Variants in LRMDA observed in about 807,000 individuals in gnomAD.
LRMDA encodes leucine rich melanocyte differentiation associated.
A neutral mutation model predicts 29.8 loss-of-function variants in LRMDA; 18 were observed. The observed-to-expected ratio is 0.60, with a 90% CI of 0.42 to 0.90. The LOEUF (loss-of-function observed/expected upper bound fraction) is 0.90. Ranked by LOEUF, LRMDA falls within the 40% of genes least tolerant of loss-of-function variation. LRMDA has a pLI of 0.00. For synonymous variants in LRMDA, 125 were observed against 109.4 expected, an observed-to-expected ratio of 1.14 and a Z score of -0.89; for missense variants, 273 against 273.9, an observed-to-expected ratio of 1.00 and a Z score of 0.02.
chr10:76,371,695 T>C (rs182218147), intron 6 of LRMDA, among the ~76,000 whole-genome samples: 9 of 152,282 alleles, frequency 5.9e-5, no homozygotes, highest in African/African-American at 2.2e-4. Context: ...AACTTCTTTC[T>C]CCTTTATTCT....
At chr10:75,491,190 A>G (rs1450472441) in intron 2 of LRMDA, among the ~76,000 whole-genome samples, 1 of 152,196 alleles carries the variant, frequency 6.6e-6, no homozygotes, top group African/African-American at 2.4e-5. Flanking sequence ...GCTTCGTGTC[A>G]TTATTGCATT....
intron 6 of LRMDA, among the ~76,000 whole-genome samples, chr10:76,390,636 C>A (rs938331355): frequency 1.3e-5 from 2 of 152,156 alleles, no homozygotes; most frequent in Non-Finnish European, 2.9e-5. Flanking sequence ...AGTGCCCCTT[C>A]ATTGCCCCTC....
intron 5 of LRMDA, among the ~76,000 whole-genome samples, chr10:76,059,036 C>T (rs570680406): frequency 7.2e-5 from 11 of 152,212 alleles, no homozygotes; most frequent in Admixed American, 3.3e-4. Context: ...AGGTCTCCTT[C>T]TTGGAAATAT....
chr10:75,683,075 C>T (rs1035611407), intron 2 of LRMDA, among the ~76,000 whole-genome samples: 1 of 152,190 alleles, frequency 6.6e-6, no homozygotes, highest in Admixed American at 6.5e-5. Context: ...CATTTCCTCT[C>T]CTGGAGTGCT....
intron 6 of LRMDA, among the ~76,000 whole-genome samples, chr10:76,446,257 T>C (rs182855173): frequency 1.3e-5 from 2 of 152,328 alleles, no homozygotes; most frequent in African/African-American, 4.8e-5. Context: ...TCATATAAAT[T>C]TGATGCAGCT....
intron 2 of LRMDA, chr10:75,552,425 T>TCCC (rs56910833): frequency 2.1e-5 from 5 of 242,032 alleles, no homozygotes; most frequent in Middle Eastern, 4.8e-4. Context: ...TTTTTTTTTT[T>TCCC]CCCCCCCCTC....
At chr10:76,429,472 G>A (rs141121499) in intron 6 of LRMDA, among the ~76,000 whole-genome samples, 12 of 152,258 alleles carry the variant, frequency 7.9e-5, no homozygotes, top group South Asian at 4.1e-4. Context: ...GTGATTGGAC[G>A]TGGAGAGCAG....
chr10:76,022,283 A>G (rs1308287747), intron 2 of LRMDA, among the ~76,000 whole-genome samples: 1 of 152,082 alleles, frequency 6.6e-6, no homozygotes, highest in Non-Finnish European at 1.5e-5. Context: ...TAGTCAAAAG[A>G]TGGAGCCAGT....
At chr10:76,338,397 T>TAATA (rs1554868843) in intron 6 of LRMDA, among the ~76,000 whole-genome samples, 3 of 149,760 alleles carry the variant, frequency 2.0e-5, no homozygotes, top group African/African-American at 4.9e-5. Flanking sequence ...AATAAATAAA[T>TAATA]AATAAATAAA....
intron 2 of LRMDA, among the ~76,000 whole-genome samples, chr10:75,822,423 C>T (rs967667645): frequency 3.3e-5 from 5 of 152,078 alleles, no homozygotes; most frequent in South Asian, 2.1e-4. Flanking sequence ...CAATTCCTGT[C>T]GAACTACCAA....
At chr10:76,323,252 G>A (rs1840793480) in intron 5 of LRMDA, among the ~76,000 whole-genome samples, 1 of 152,050 alleles carries the variant, frequency 6.6e-6, no homozygotes, top group Admixed American at 6.6e-5. Context: ...CGTCTCAAAT[G>A]TCAGAAATGA....
intron 5 of LRMDA, among the ~76,000 whole-genome samples, chr10:76,092,745 A>T (rs1293161826): frequency 6.6e-6 from 1 of 152,186 alleles, no homozygotes; most frequent in Non-Finnish European, 1.5e-5. Flanking sequence ...TGGAATAGGA[A>T]ATGTGGATGG....
At chr10:75,717,392 G>A (rs1213164832) in intron 2 of LRMDA, among the ~76,000 whole-genome samples, 1 of 152,228 alleles carries the variant, frequency 6.6e-6, no homozygotes, top group Non-Finnish European at 1.5e-5. Flanking sequence ...AGGCTTCCTG[G>A]GGAATCGTGG....
chr10:75,582,589 G>A (rs1378220936), intron 2 of LRMDA, among the ~76,000 whole-genome samples: 1 of 152,176 alleles, frequency 6.6e-6, no homozygotes, highest in Non-Finnish European at 1.5e-5. Flanking sequence ...GGACTGTGAT[G>A]GAAGGGGCTG....
intron 6 of LRMDA, among the ~76,000 whole-genome samples, chr10:76,372,631 A>AAAAAT (rs1182148523): frequency 2.0e-5 from 3 of 151,990 alleles, no homozygotes; most frequent in Non-Finnish European, 4.4e-5. Flanking sequence ...AAATAAAATA[A>AAAAAT]AAAATAAAAT....
chr10:75,771,211 G>A (rs1172356275), intron 2 of LRMDA, among the ~76,000 whole-genome samples: 1 of 151,812 alleles, frequency 6.6e-6, no homozygotes, highest in African/African-American at 2.4e-5. Flanking sequence ...AATGGCTATT[G>A]ACAGCAGATA....
rs34848972 is a variant in LRMDA at position 76,173,058 on chromosome 10, T to TAA, written c.516+114283_516+114284dup. 1.7e-3 allele frequency among the ~76,000 whole-genome samples: 261 copies of TAA among 150,230 alleles called. 2 individuals carry two copies. Among genetic ancestry groups the TAA allele is most frequent in the African/African-American group, 6.0e-3 (244 of 40,820 alleles). On this transcript the variant is annotated intron_variant, in intron 5 of 6. Coordinates refer to ENST00000611255, the MANE Select transcript of LRMDA (RefSeq NM_001305581.2). ...GGAAAGCATGAAAGTGTTAAGAAGA[T>TAA]AAAAAAAAAGATAATGAGCATCAGA...
At chr10:76,209,365 C>T (rs536906914) in intron 5 of LRMDA, among the ~76,000 whole-genome samples, 1 of 152,100 alleles carries the variant, frequency 6.6e-6, no homozygotes, top group South Asian at 2.1e-4. Context: ...CTATGCAGGT[C>T]GCCTCCTTGT....
intron 2 of LRMDA, among the ~76,000 whole-genome samples, chr10:75,797,407 TG>T (rs1265113612): frequency 2.6e-5 from 4 of 152,210 alleles, no homozygotes; most frequent in African/African-American, 9.6e-5. Flanking sequence ...AGGTACAATT[TG>T]CATTACATAA....
Sources: gnomAD v4.1 joint callset for allele counts (sites outside exome capture counted in the v4.1 genomes callset) on GRCh38, gnomAD v4.1.1 for gene constraint, MANE v1.5 for transcripts, NCBI Gene and HGNC (gene_info 2026-07-23, HGNC 2026-07-21) for gene names.